NETO2: variants seen among roughly 807,000 people sequenced by gnomAD.
NETO2 encodes the protein neuropilin and tolloid-like protein 2.
NETO2 carries 28 observed loss-of-function variants against 62.5 expected under a neutral mutation model. The observed-to-expected ratio is 0.45, with a 90% CI of 0.33 to 0.61. NETO2 has a LOEUF of 0.61. Among genes scored for constraint, NETO2 ranks in the 20% least tolerant of loss-of-function variants. The pLI is 0.02. For synonymous variants in NETO2, 214 were observed against 219.1 expected, an observed-to-expected ratio of 0.98 and a Z score of 0.21; for missense variants, 548 against 643.2, an observed-to-expected ratio of 0.85 and a Z score of 1.60.
chr16:47,091,822 C>T (rs1047568404), intron 7 of NETO2, among the ~76,000 whole-genome samples: 1 of 152,034 alleles, frequency 6.6e-6, no homozygotes, highest in Non-Finnish European at 1.5e-5. Context: ...TGGGCAGAAA[C>T]ACTGCGTATG....
rs1422970190 is a variant in NETO2 at position 47,082,292 on chromosome 16, A to C, written c.*929T>G. The C allele has an allele frequency of 6.6e-6, 1 of 152,434 alleles. No homozygotes were observed. Among genetic ancestry groups the C allele is most frequent in the Non-Finnish European group, 1.5e-5 (1 of 68,040 alleles). 9.4% of individuals were successfully genotyped at this position (152,434 alleles called of 1,614,324 possible). On this transcript the variant is annotated 3_prime_UTR_variant, in exon 9 of 9. Transcript: ENST00000562435. ...ATATGCTGTAAGCAAAACCAACAGA[A>C]TGGGAGCTATGTAACAATCTAGCGA...
chr16:47,127,536 G>C (rs1330236998), intron 4 of NETO2, among the ~76,000 whole-genome samples: 1 of 152,232 alleles, frequency 6.6e-6, no homozygotes, highest in Non-Finnish European at 1.5e-5. Flanking sequence ...GAGCTGTGAA[G>C]AGGGAGGCTG....
At chr16:47,143,535 G>C in intron 1 of NETO2, 44 bp downstream of exon 1, 10 of 1,219,788 alleles carry the variant, frequency 8.2e-6, no homozygotes, top group South Asian at 4.1e-5. Context: ...CGCCAGCCTC[G>C]GCCCGCAGGG....
At chr16:47,089,161 C>T (rs1360317033) in intron 7 of NETO2, among the ~76,000 whole-genome samples, 2 of 152,208 alleles carry the variant, frequency 1.3e-5, no homozygotes, top group Non-Finnish European at 2.9e-5. Flanking sequence ...TCACACTAAA[C>T]TGTTAAGCTT....
intron 8 of NETO2, among the ~76,000 whole-genome samples, chr16:47,084,070 C>T (rs1288515913): frequency 6.6e-6 from 1 of 152,196 alleles, no homozygotes; most frequent in African/African-American, 2.4e-5. Flanking sequence ...TTCTGCAAAT[C>T]AAATCAAATA....
Position 47,079,356 on chromosome 16 carries a change from G to A in NETO2, c.*3865C>T, listed in dbSNP as rs1274876114. ...CACGCCTGTAATCCCAGCACTTTGG[G>A]AGGCCGAGGCGGGTGGATCACGAGG... On this transcript the variant is annotated 3_prime_UTR_variant, in exon 9 of 9. Coordinates refer to ENST00000562435, the MANE Select transcript of NETO2 (RefSeq NM_018092.5). 6.6e-6 allele frequency: 1 copy of A among 150,610 alleles called. No individual in the cohort carries two copies. Among genetic ancestry groups the A allele is most frequent in the African/African-American group, 2.4e-5 (1 of 40,912 alleles). The allele number at this position is 150,610 out of a possible 1,614,324, so 9.3% of individuals were successfully genotyped here.
At position 47,082,143 on chromosome 16, in the gene NETO2, T is replaced by A. The variant is rs1322950166; in HGVS notation, c.*1078A>T. 6.6e-6 allele frequency: 1 copy of A among 152,404 alleles called. No homozygotes were observed. Among genetic ancestry groups the A allele is most frequent in the African/African-American group, 2.4e-5 (1 of 41,374 alleles). 9.4% of individuals were successfully genotyped at this position (152,404 alleles called of 1,614,324 possible). A position where few individuals can be genotyped will look rare whatever the true frequency, so the allele number is the denominator to read the frequency against. ...CATAAAAAAAGTCAAAAGTGCAGTTTAAAAAAAAGTGGAAGTTGTTATTCT... is the reference window on the plus strand; with the variant it reads ...CATAAAAAAAGTCAAAAGTGCAGTTAAAAAAAAAGTGGAAGTTGTTATTCT... On this transcript the variant is annotated 3_prime_UTR_variant, in exon 9 of 9. Transcript: ENST00000562435.
At chr16:47,127,872 C>T (rs1425713176) in intron 4 of NETO2, among the ~76,000 whole-genome samples, 1 of 152,178 alleles carries the variant, frequency 6.6e-6, no homozygotes, top group Non-Finnish European at 1.5e-5. Flanking sequence ...CTTTGACATC[C>T]AAGTGCAGAG....
chr16:47,084,233 C>CA (rs1397042855), intron 8 of NETO2, among the ~76,000 whole-genome samples: 1 of 152,172 alleles, frequency 6.6e-6, no homozygotes, highest in Non-Finnish European at 1.5e-5. Flanking sequence ...CTAACCCATC[C>CA]AGTATATTAT....
chr16:47,138,918 G>C (rs1382459723), intron 1 of NETO2, among the ~76,000 whole-genome samples: 1 of 152,214 alleles, frequency 6.6e-6, no homozygotes, highest in African/African-American at 2.4e-5. Flanking sequence ...TCTTGCCTCA[G>C]GAACCAGCTG....
At chr16:47,104,066 G>A (rs191262437) in intron 7 of NETO2, among the ~76,000 whole-genome samples, 1 of 152,104 alleles carries the variant, frequency 6.6e-6, no homozygotes, top group Non-Finnish European at 1.5e-5. Context: ...AATTGGAAAG[G>A]AAGATAAAAG....
Position 47,081,522 on chromosome 16 carries a change from G to GAT in NETO2, c.*1698_*1699insAT, listed in dbSNP as rs1486649073. On this transcript the variant is annotated 3_prime_UTR_variant, in exon 9 of 9. Coordinates refer to ENST00000562435, the MANE Select transcript of NETO2 (RefSeq NM_018092.5). ...TTAAAAAACAAAAATTTTGATACAA[G>GAT]AAAGCACTCTGAGGCAGTATATGTG... 6.6e-6 allele frequency: 1 copy of GAT among 152,406 alleles called. No homozygotes were observed. The highest frequency in any genetic ancestry group is 1.5e-5 in the Non-Finnish European group (1 of 67,956). 9.4% of individuals were successfully genotyped at this position (152,406 alleles called of 1,614,324 possible).
Position 47,086,233 on chromosome 16 carries a change from A to G in NETO2, c.990T>C (p.His330=), listed in dbSNP as rs748695559. 40 of 1,594,216 alleles carry G rather than the reference A, an allele frequency of 2.5e-5. No homozygotes were observed. The highest frequency in any genetic ancestry group is 1.3e-4 in the Admixed American group (8 of 59,966). ...QNCAYPWDEN[H]CKEKKKAGVF... ...CCTTTACATCAAACTCACCTTTACAATGATTTTCATCCCAAGGGTATGCAC... is the reference window on the plus strand; with the variant it reads ...CCTTTACATCAAACTCACCTTTACAGTGATTTTCATCCCAAGGGTATGCAC... The change falls in exon 8 of 9, where the codon CAT becomes CAC. Residue 330 remains histidine (H), a synonymous_variant. Transcript: ENST00000562435.
At chr16:47,090,966 C>T (rs1377915556) in intron 7 of NETO2, among the ~76,000 whole-genome samples, 2 of 152,154 alleles carry the variant, frequency 1.3e-5, no homozygotes, top group African/African-American at 2.4e-5. Flanking sequence ...TTCTGAAATA[C>T]TAATTGTTTC....
intron 1 of NETO2, among the ~76,000 whole-genome samples, chr16:47,141,150 G>C (rs1217349108): frequency 6.6e-6 from 1 of 152,152 alleles, no homozygotes; most frequent in East Asian, 1.9e-4. Flanking sequence ...GCATCTTAAA[G>C]AACTAAAATT....
At chr16:47,089,183 G>T (rs1963260047) in intron 7 of NETO2, among the ~76,000 whole-genome samples, 1 of 152,150 alleles carries the variant, frequency 6.6e-6, no homozygotes, top group Non-Finnish European at 1.5e-5. Context: ...TTCACCTGCG[G>T]AGTACTCAGC....
intron 7 of NETO2, among the ~76,000 whole-genome samples, chr16:47,105,693 A>T (rs577502739): frequency 8.5e-5 from 13 of 152,368 alleles, no homozygotes; most frequent in African/African-American, 2.9e-4. Context: ...TCTGCAAAGA[A>T]GATGTATGAA....
chr16:47,093,512 C>T (rs1963358596), intron 7 of NETO2, among the ~76,000 whole-genome samples: 1 of 152,152 alleles, frequency 6.6e-6, no homozygotes, highest in African/African-American at 2.4e-5. Flanking sequence ...ACTGGAAAAC[C>T]CTTTAGGGCA....
chr16:47,143,465 A>G, intron 1 of NETO2, 114 bp downstream of exon 1: 1 of 1,150,764 alleles, frequency 8.7e-7, no homozygotes, highest in South Asian at 4.4e-5. Flanking sequence ...CCCGCCAGAC[A>G]AAGAGGCGCG....
Sources: allele counts gnomAD v4.1 joint callset (sites outside exome capture counted in the v4.1 genomes callset), GRCh38; gene constraint gnomAD v4.1.1; transcripts MANE v1.5; gene names NCBI Gene and HGNC (gene_info 2026-07-23, HGNC 2026-07-21).